Variants in VRK2 observed in about 807,000 individuals in gnomAD.
VRK2 encodes the protein serine/threonine-protein kinase VRK2.
VRK2 carries 60 observed loss-of-function variants against 57.6 expected under a neutral mutation model. The observed-to-expected ratio is 1.04, with a 90% CI of 0.85 to 1.29. VRK2 has a LOEUF of 1.29. VRK2 is among the 50% of genes most tolerant of loss of function. The probability of loss-of-function intolerance (pLI) is 0.00; values close to 1 mark genes in which losing one functional copy is unlikely to be tolerated. For synonymous variants in VRK2, 231 were observed against 199.2 expected (o/e 1.16, Z -1.35); for missense variants, 705 against 588.1 (o/e 1.20, Z -2.06).
rs543823814 is a variant in VRK2 at position 58,087,033 on chromosome 2, A to T, written c.344+607A>T. ...TCTCTTGAGGAGAAGCACAACAAATAAGTTATAGAAATATCTTTAAAACCA... is the reference window on the plus strand; with the variant it reads ...TCTCTTGAGGAGAAGCACAACAAATTAGTTATAGAAATATCTTTAAAACCA... On this transcript the variant is annotated intron_variant, in intron 5 of 12. Transcript: ENST00000340157. 5.3e-5 allele frequency among the ~76,000 whole-genome samples: 8 copies of T among 152,230 alleles called. No individual in the cohort carries two copies. In the South Asian group the frequency reaches 1.4e-3, roughly 28 times the overall value.
At chr2:57,942,252 C>G (rs534970597) in intron 1 of VRK2, among the ~76,000 whole-genome samples, 2 of 152,056 alleles carry the variant, frequency 1.3e-5, no homozygotes, top group African/African-American at 4.8e-5. Flanking sequence ...GTCTTCTGTA[C>G]ATAATATATT....
At chr2:58,116,847 C>T (rs975392401) in intron 7 of VRK2, among the ~76,000 whole-genome samples, 3 of 152,152 alleles carry the variant, frequency 2.0e-5, no homozygotes, top group African/African-American at 7.2e-5. Flanking sequence ...CATTCCTTGG[C>T]CTGGTGGCCA....
At chr2:58,037,324 T>G (rs1053180089) in intron 3 of VRK2, among the ~76,000 whole-genome samples, 1 of 152,048 alleles carries the variant, frequency 6.6e-6, no homozygotes, top group African/African-American at 2.4e-5. Flanking sequence ...GCTAAACTCT[T>G]TATCAAGTAC....
intron 1 of VRK2, among the ~76,000 whole-genome samples, chr2:57,932,947 C>G (rs1170929680): frequency 2.6e-5 from 4 of 152,040 alleles, no homozygotes; most frequent in Non-Finnish European, 5.9e-5. Flanking sequence ...TTTTCGGGAG[C>G]ATGTTGTTTA....
chr2:58,049,746 T>C (rs1206077187), intron 2 of VRK2, among the ~76,000 whole-genome samples: 1 of 152,182 alleles, frequency 6.6e-6, no homozygotes, highest in Non-Finnish European at 1.5e-5. Context: ...TCACATCTAT[T>C]TCTATAGGAG....
intron 2 of VRK2, among the ~76,000 whole-genome samples, chr2:58,051,144 CTACT>C (rs1276381267): frequency 1.3e-5 from 2 of 152,160 alleles, no homozygotes; most frequent in African/African-American, 4.8e-5. Context: ...TGTGCCCAGC[CTACT>C]TATTTTTTTT....
At chr2:58,066,295 G>T (rs1328947353) in intron 2 of VRK2, among the ~76,000 whole-genome samples, 1 of 152,118 alleles carries the variant, frequency 6.6e-6, no homozygotes, top group African/African-American at 2.4e-5. Context: ...ATAAAAGGGT[G>T]TTGAATTTTG....
chr2:58,128,647 G>C (rs1182321225), intron 8 of VRK2, among the ~76,000 whole-genome samples: 1 of 152,108 alleles, frequency 6.6e-6, no homozygotes, highest in Admixed American at 6.5e-5. Context: ...GTAATTGCAA[G>C]ATTGAGCACG....
chr2:58,152,469 A>T (rs1437896708), intron 12 of VRK2, among the ~76,000 whole-genome samples: 1 of 151,878 alleles, frequency 6.6e-6, no homozygotes, highest in East Asian at 1.9e-4. Context: ...TGCTTTAAGG[A>T]GCCATTTTTC....
intron 7 of VRK2, among the ~76,000 whole-genome samples, chr2:58,097,343 A>G (rs1002693589): frequency 4.6e-5 from 7 of 151,790 alleles, no homozygotes; most frequent in African/African-American, 1.7e-4. Flanking sequence ...GTTATTTGGT[A>G]TACATTTGTC....
intron 12 of VRK2, among the ~76,000 whole-genome samples, chr2:58,149,955 G>C (rs1292207081): frequency 6.7e-6 from 1 of 149,108 alleles, no homozygotes; most frequent in Non-Finnish European, 1.5e-5. Flanking sequence ...TTTATACCTA[G>C]ACTGATGAGG....
At chr2:58,052,379 C>G (rs1675878132) in intron 2 of VRK2, among the ~76,000 whole-genome samples, 1 of 152,042 alleles carries the variant, frequency 6.6e-6, no homozygotes, top group Non-Finnish European at 1.5e-5. Context: ...TTGGAAGGCC[C>G]AGGCGGGTGG....
intron 1 of VRK2, among the ~76,000 whole-genome samples, chr2:57,982,071 T>C (rs1342371896): frequency 6.6e-6 from 1 of 152,208 alleles, no homozygotes; most frequent in East Asian, 1.9e-4. Context: ...TGCTTTTATG[T>C]TCTTTGATGC....
chr2:58,122,303 C>T (rs1286686445), intron 7 of VRK2, among the ~76,000 whole-genome samples: 1 of 152,154 alleles, frequency 6.6e-6, no homozygotes, highest in African/African-American at 2.4e-5. Flanking sequence ...CTCCCCTGCA[C>T]AGTCAAAAAT....
intron 12 of VRK2, among the ~76,000 whole-genome samples, chr2:58,152,640 G>A (rs923862610): frequency 4.6e-5 from 7 of 151,636 alleles, no homozygotes; most frequent in South Asian, 2.1e-4. Context: ...TATATTTCCT[G>A]GAATCTAATT....
chr2:57,912,996 G>A (rs1670036610), intron 1 of VRK2, among the ~76,000 whole-genome samples: 1 of 152,168 alleles, frequency 6.6e-6, no homozygotes, highest in African/African-American at 2.4e-5. Flanking sequence ...AGCTGTCTAT[G>A]AACCAGGAAG....
intron 2 of VRK2, among the ~76,000 whole-genome samples, chr2:58,061,534 A>T (rs1677342754): frequency 6.6e-6 from 1 of 152,006 alleles, no homozygotes; most frequent in Non-Finnish European, 1.5e-5. Flanking sequence ...ACTTAAAATG[A>T]TAAGATATAA....
At chr2:58,076,309 C>A (rs79650501) in intron 2 of VRK2, among the ~76,000 whole-genome samples, 5,105 of 151,970 alleles carry the variant, frequency 0.034, 298 homozygotes, top group African/African-American at 0.11. Context: ...TTTACCCTAG[C>A]CTACCTTAAA....
At chr2:58,006,276 T>C (rs1032864927) in intron 1 of VRK2, among the ~76,000 whole-genome samples, 3 of 152,200 alleles carry the variant, frequency 2.0e-5, no homozygotes, top group African/African-American at 7.2e-5. Context: ...GTTAAAGCTT[T>C]GGCAGTTAGG....
Sources: allele counts gnomAD v4.1 joint callset (sites outside exome capture counted in the v4.1 genomes callset), GRCh38; gene constraint gnomAD v4.1.1; transcripts MANE v1.5; gene names NCBI Gene and HGNC (gene_info 2026-07-23, HGNC 2026-07-21).